The following ADARB2 variants were observed in gnomAD, a reference collection of about 807,000 sequenced individuals.
ADARB2 encodes the protein adenosine deaminase RNA specific B2 (inactive).
ADARB2 carries 25 observed loss-of-function variants against 62.2 expected under a neutral mutation model. That is an observed-to-expected ratio of 0.40 (90% confidence interval 0.29 to 0.56). The LOEUF is 0.56. Ranked by LOEUF, ADARB2 falls within the 20% of genes least tolerant of loss-of-function variation. The pLI, the probability that ADARB2 is intolerant of heterozygous loss-of-function variation, is 0.43. For synonymous variants in ADARB2, 572 were observed against 500.8 expected (o/e 1.14, Z -1.90); for missense variants, 1,071 against 1,077.4 (o/e 0.99, Z 0.08).
At chr10:1,475,771 G>C (rs185197136) in intron 1 of ADARB2, among the ~76,000 whole-genome samples, 116 of 152,280 alleles carry the variant, frequency 7.6e-4, no homozygotes, top group Middle Eastern at 3.4e-3. Flanking sequence ...CTGCCCAATG[G>C]AAAGAAAATG....
chr10:1,571,754 G>GATATGCTGGTGAGTGGA (rs1832937932), intron 1 of ADARB2, among the ~76,000 whole-genome samples: 2 of 103,662 alleles, frequency 1.9e-5, no homozygotes, highest in South Asian at 3.1e-4. Context: ...AGGTGAGTGT[G>GATATGCTGGTGAGTGGA]CAGGTGAGTG....
intron 1 of ADARB2, among the ~76,000 whole-genome samples, chr10:1,596,046 G>A (rs1180368346): frequency 6.6e-6 from 1 of 152,318 alleles, no homozygotes; most frequent in African/African-American, 2.4e-5. Flanking sequence ...TTCATGACTT[G>A]TTCACAGAAA....
At chr10:1,481,722 G>T (rs10903466) in intron 1 of ADARB2, among the ~76,000 whole-genome samples, 79,532 of 151,676 alleles carry the variant, frequency 0.52, 21,765 homozygotes, top group East Asian at 0.84. Flanking sequence ...CTGGGTATGG[G>T]GGCGGGTGCC....
chr10:1,339,039 G>T (rs1216702191), intron 3 of ADARB2, among the ~76,000 whole-genome samples: 4 of 152,198 alleles, frequency 2.6e-5, no homozygotes, highest in Admixed American at 6.5e-5. Flanking sequence ...TATTTTGGTT[G>T]GATAGGATGT....
chr10:1,609,353 T>C (rs55939733), intron 1 of ADARB2, among the ~76,000 whole-genome samples: 25,951 of 152,286 alleles, frequency 0.17, 2,446 homozygotes, highest in Non-Finnish European at 0.21. Context: ...TTTGTCTCCC[T>C]GATTAACTCT....
chr10:1,398,359 G>C lies in ADARB2; in HGVS notation c.101-19199C>G, dbSNP rs186432248. Among the ~76,000 whole-genome samples, 1 of 152,230 alleles carries C rather than the reference G, an allele frequency of 6.6e-6. No individual in the cohort carries two copies. The highest frequency in any genetic ancestry group is 1.5e-5 in the Non-Finnish European group (1 of 68,040). ...CCAGCACAGGCAGTGGCACTGACAC[G>C]GGGTGAAAGACCATGAGCGCTCCTC... On this transcript the variant is annotated intron_variant, in intron 1 of 9. Coordinates refer to ENST00000381312, the MANE Select transcript of ADARB2 (RefSeq NM_018702.4). This position sits in a 1 kb window ranked among gnomAD's most constrained non-coding sequence, Gnocchi z 4.1.
At chr10:1,707,524 A>G (rs186414213) in intron 1 of ADARB2, among the ~76,000 whole-genome samples, 230 of 152,324 alleles carry the variant, frequency 1.5e-3, no homozygotes, top group African/African-American at 4.8e-3. Context: ...GCGGAAAATT[A>G]ATCTTGTTAC....
chr10:1,508,268 G>A (rs939962615), intron 1 of ADARB2, among the ~76,000 whole-genome samples: 2 of 152,154 alleles, frequency 1.3e-5, no homozygotes, highest in African/African-American at 4.8e-5. Context: ...AACCTCAATG[G>A]ACGTCAGTGC....
intron 1 of ADARB2, among the ~76,000 whole-genome samples, chr10:1,705,678 A>G (rs1281787042): frequency 2.6e-5 from 4 of 152,242 alleles, no homozygotes; most frequent in African/African-American, 4.8e-5. Flanking sequence ...ATCATTCACC[A>G]TCAGATGATT....
chr10:1,725,422 C>A (rs1056555832), intron 1 of ADARB2, among the ~76,000 whole-genome samples: 1 of 152,212 alleles, frequency 6.6e-6, no homozygotes, highest in Non-Finnish European at 1.5e-5. Flanking sequence ...GAATAAATCA[C>A]ATGTCACCGC....
chr10:1,510,097 T>C lies in ADARB2; in HGVS notation c.101-130937A>G, dbSNP rs190394000. 1.9e-4 allele frequency among the ~76,000 whole-genome samples: 22 copies of C among 116,474 alleles called. No homozygotes were observed. The East Asian group carries it at 4.9e-3, about 26-fold the overall frequency. 76.4% of individuals were successfully genotyped at this position (116,474 alleles called of 152,430 possible). A position where few individuals can be genotyped will look rare whatever the true frequency, so the allele number is the denominator to read the frequency against. ...TCTTTCTCTTTCTCTCTCTCTCTCT[T>C]TTCTTTCTTTCTCTCTTTCTTTCTT... On this transcript the variant is annotated intron_variant, in intron 1 of 9. Transcript: ENST00000381312.
chr10:1,284,493 C>T (rs544154439), intron 3 of ADARB2, among the ~76,000 whole-genome samples: 1 of 152,334 alleles, frequency 6.6e-6, no homozygotes, highest in East Asian at 1.9e-4. Flanking sequence ...CCACCCACAG[C>T]ACGGGTAGCA....
intron 1 of ADARB2, among the ~76,000 whole-genome samples, chr10:1,522,445 C>A (rs1364826882): frequency 1.3e-5 from 2 of 152,152 alleles, no homozygotes; most frequent in Non-Finnish European, 2.9e-5. Flanking sequence ...TGGCTGAAGG[C>A]CTTTCCTGCA....
At chr10:1,637,871 C>G (rs1044458039) in intron 1 of ADARB2, among the ~76,000 whole-genome samples, 32 of 152,318 alleles carry the variant, frequency 2.1e-4, no homozygotes, top group East Asian at 9.6e-4. Flanking sequence ...ACACTAGTAT[C>G]AGGGGTGCTG....
At chr10:1,494,072 C>CCAAG (rs1263480115) in intron 1 of ADARB2, among the ~76,000 whole-genome samples, 2 of 151,996 alleles carry the variant, frequency 1.3e-5, no homozygotes, top group Admixed American at 1.3e-4. Context: ...CATTCTTATG[C>CCAAG]CAAGTATAGT....
intron 1 of ADARB2, among the ~76,000 whole-genome samples, chr10:1,531,093 C>A (rs181873089): frequency 6.6e-6 from 1 of 152,216 alleles, no homozygotes; most frequent in Non-Finnish European, 1.5e-5. Flanking sequence ...AGCTGGCGAT[C>A]CACAGCCTAC....
chr10:1,567,659 G>T (rs1429810353), intron 1 of ADARB2, among the ~76,000 whole-genome samples: 1 of 152,208 alleles, frequency 6.6e-6, no homozygotes, highest in Non-Finnish European at 1.5e-5. Context: ...TGCCTCCACA[G>T]CCCTACCAGG....
chr10:1,526,805 C>T (rs1475740944), intron 1 of ADARB2: 2 of 514,162 alleles, frequency 3.9e-6, no homozygotes, highest in Admixed American at 4.0e-5. Context: ...CTCCTGGCAC[C>T]TCCCTGACTC....
At chr10:1,495,603 A>T (rs1365352357) in intron 1 of ADARB2, among the ~76,000 whole-genome samples, 3 of 73,182 alleles carry the variant, frequency 4.1e-5, no homozygotes, top group Admixed American at 2.7e-4. Flanking sequence ...TAAGCTTTAG[A>T]GGAGCCTTAG....
Sources: allele counts gnomAD v4.1 joint callset (sites outside exome capture counted in the v4.1 genomes callset), GRCh38; gene constraint gnomAD v4.1.1; non-coding constraint Gnocchi (gnomAD v3.1); transcripts MANE v1.5; gene names NCBI Gene and HGNC (gene_info 2026-07-23, HGNC 2026-07-21).